NADK: variants seen among roughly 807,000 people sequenced by gnomAD.
NADK encodes the protein poly(P)/ATP NAD kinase.
NADK carries 22 observed loss-of-function variants against 49.8 expected under a neutral mutation model. The observed-to-expected ratio is 0.44, with a 90% CI of 0.32 to 0.63. The LOEUF (loss-of-function observed/expected upper bound fraction) is 0.63. Among genes scored for constraint, NADK ranks in the 30% least tolerant of loss-of-function variants. NADK has a pLI of 0.06. For missense variants in NADK, 438 were observed against 609.4 expected (o/e 0.72, Z 2.96); for synonymous variants, 268 against 253.7 (o/e 1.06, Z -0.54).
Position 1,755,454 on chromosome 1 carries a change from G to A in NADK, c.608C>T (p.Ala203Val). The A allele has an allele frequency of 1.2e-6, 2 of 1,613,930 alleles. No individual in the cohort carries two copies. Among genetic ancestry groups the A allele is most frequent in the Non-Finnish European group, 1.7e-6 (2 of 1,179,976 alleles). The part of the protein sequence containing the change: ...LFQGSVPPVM[A>V]FHLGSLGFLT... ...GAAGCCCAGGGAGCCCAGGTGGAAG[G>A]CCATGACCGGAGGGACGCTGCCCTG... The change falls in exon 7 of 12, where the codon GCC becomes GTC. Residue 203 changes from alanine to valine, a missense_variant. By Grantham distance (64) the Ala-to-Val change is moderately conservative (BLOSUM62 0). Transcript: ENST00000341426.
intron 1 of NADK, among the ~76,000 whole-genome samples, chr1:1,771,495 G>A (rs1303662548): frequency 1.3e-5 from 2 of 152,126 alleles, no homozygotes; most frequent in Non-Finnish European, 2.9e-5. Context: ...GAAAAACTAC[G>A]GGAACCAGAC....
chr1:1,759,044 A>G (rs1383898172), intron 3 of NADK: 1 of 1,454,560 alleles, frequency 6.9e-7, no homozygotes, highest in Admixed American at 2.6e-5. Context: ...TCAGCCAGCA[A>G]AGCCCCCGCC....
chr1:1,757,815 T>G (rs1014161955), intron 3 of NADK, among the ~76,000 whole-genome samples: 2 of 152,028 alleles, frequency 1.3e-5, no homozygotes, highest in African/African-American at 4.8e-5. Context: ...AAGGACCCGC[T>G]TCCCCCCCTG....
At chr1:1,764,365 G>T (rs189568920) in intron 2 of NADK, among the ~76,000 whole-genome samples, 4 of 152,194 alleles carry the variant, frequency 2.6e-5, no homozygotes, top group African/African-American at 4.8e-5. Context: ...TGCGGCCACC[G>T]TCATGCAAAG....
At chr1:1,760,873 C>T (rs1438013616) in intron 3 of NADK, among the ~76,000 whole-genome samples, 6 of 152,238 alleles carry the variant, frequency 3.9e-5, no homozygotes, top group Non-Finnish European at 7.3e-5. Context: ...CTCTGTCGCC[C>T]AGGCGGAATG....
intron 6 of NADK, chr1:1,755,881 AG>A: frequency 2.2e-6 from 1 of 444,672 alleles, no homozygotes; most frequent in Non-Finnish European, 4.1e-6. Context: ...GGGCAGAGCC[AG>A]GGTCCCCCAC....
chr1:1,760,009 G>A, intron 3 of NADK: 1 of 1,236,256 alleles, frequency 8.1e-7, no homozygotes, highest in Non-Finnish European at 1.1e-6. Context: ...GCCACGGCGG[G>A]GCCGGGAGGG....
At position 1,758,089 on chromosome 1, in the gene NADK, G is replaced by C. The variant is rs550280698; in HGVS notation, c.264-779C>G. ...GCCTGCTCCTGTTCCCAGAAGCCAA[G>C]GGAGGGCGCAGCGGGGCTGGCCACC... On this transcript the variant is annotated intron_variant, in intron 3 of 11. Transcript: ENST00000341426. Among the ~76,000 whole-genome samples, 3 of 152,342 alleles carry C rather than the reference G, an allele frequency of 2.0e-5. No individual in the cohort carries two copies. In the South Asian group the frequency reaches 6.2e-4, roughly 32 times the overall value.
At chr1:1,757,442 C>T in intron 3 of NADK, 132 bp from the exon 4 acceptor site, 1 of 773,646 alleles carries the variant, frequency 1.3e-6, no homozygotes, top group South Asian at 1.8e-5. Flanking sequence ...GCTCGGTGGC[C>T]ACGGGCTCAC....
chr1:1,759,320 A>C (rs1645639124), intron 3 of NADK: 4 of 1,447,418 alleles, frequency 2.8e-6, no homozygotes, highest in Admixed American at 4.7e-5. Context: ...GGTGGCGTGA[A>C]GCTTGCAGGC....
At chr1:1,759,315 C>T (rs1216918022) in intron 3 of NADK, 4 of 1,453,378 alleles carry the variant, frequency 2.8e-6, no homozygotes, top group African/African-American at 1.6e-5. Context: ...CAGGGGGTGG[C>T]GTGAAGCTTG....
rs1405513247 is a variant in NADK at position 1,778,007 on chromosome 1, G to T, written c.-41+282C>A. On this transcript the variant is annotated intron_variant, in intron 1 of 11. Coordinates refer to ENST00000341426, the MANE Select transcript of NADK (RefSeq NM_023018.5). The surrounding 1 kb of genome is among the most constrained non-coding windows in gnomAD (Gnocchi z 4.9). The stretch of plus-strand genomic sequence containing the variant: ...CCGCCCAAGCAGAGGCGACTGACAA[G>T]CGCGGTCCGGGCTGGACGGCCCCAC... Among the ~76,000 whole-genome samples, 2 of 152,188 alleles carry T rather than the reference G, an allele frequency of 1.3e-5. No individual in the cohort carries two copies. The highest frequency in any genetic ancestry group is 1.3e-4 in the Admixed American group (2 of 15,288).
At chr1:1,773,430 C>T (rs1480915534) in intron 1 of NADK, among the ~76,000 whole-genome samples, 1 of 150,694 alleles carries the variant, frequency 6.6e-6, no homozygotes, top group Non-Finnish European at 1.5e-5. Flanking sequence ...TGTGAGCCAC[C>T]GCACCCAGCC....
chr1:1,771,581 T>A (rs773649110), intron 1 of NADK, among the ~76,000 whole-genome samples: 4 of 152,096 alleles, frequency 2.6e-5, no homozygotes, highest in Non-Finnish European at 5.9e-5. Flanking sequence ...CCACAGACCC[T>A]CACACACATG....
chr1:1,755,495 G>A lies in NADK; in HGVS notation c.586-19C>T. The A allele has an allele frequency of 6.3e-7, 1 of 1,593,258 alleles. No homozygotes were observed. The highest frequency in any genetic ancestry group is 1.1e-5 in the South Asian group (1 of 90,676). The stretch of plus-strand genomic sequence containing the variant: ...CGCTGCCCTGTGAGCCGACGGAGAG[G>A]TCACTCAGTGCCCACGCCGTGCACC... On this transcript the variant is annotated intron_variant, in intron 6 of 11. Transcript: ENST00000341426.
At chr1:1,759,319 A>G in intron 3 of NADK, 1 of 1,446,126 alleles carries the variant, frequency 6.9e-7, no homozygotes, top group Non-Finnish European at 9.1e-7. Flanking sequence ...GGGTGGCGTG[A>G]AGCTTGCAGG....
At chr1:1,759,041 G>A in intron 3 of NADK, 2 of 1,453,312 alleles carry the variant, frequency 1.4e-6, no homozygotes, top group Non-Finnish European at 1.8e-6. Context: ...TGGTCAGCCA[G>A]CAAAGCCCCC....
Position 1,756,315 on chromosome 1 carries a change from GTCTA to G in NADK, c.524_527del (p.Ile175ThrfsTer37), listed in dbSNP as rs1306613258. 2 of 1,614,128 alleles carry G rather than the reference GTCTA, an allele frequency of 1.2e-6. No homozygotes were observed. Among genetic ancestry groups the G allele is most frequent in the East Asian group, 2.2e-5 (1 of 44,886 alleles). On this transcript the variant is annotated frameshift_variant, in exon 6 of 12. Transcript: ENST00000341426. LOFTEE classifies it high-confidence loss of function. The stretch of plus-strand genomic sequence containing the variant: ...CGTCTCCCCCCAGGCAGATGATGAA[GTCTA>G]TCTGATTGGAAATGTCATCATAATC...
At chr1:1,771,022 A>G (rs1037851652) in intron 1 of NADK, among the ~76,000 whole-genome samples, 2 of 136,440 alleles carry the variant, frequency 1.5e-5, no homozygotes, top group African/African-American at 2.6e-5. Flanking sequence ...CCTTGGTAAC[A>G]AGAGTGAGAT....
Sources: gnomAD v4.1 joint callset for allele counts (sites outside exome capture counted in the v4.1 genomes callset) on GRCh38, gnomAD v4.1.1 for gene constraint, Gnocchi (gnomAD v3.1) non-coding constraint, MANE v1.5 for transcripts, NCBI Gene and HGNC (gene_info 2026-07-23, HGNC 2026-07-21) for gene names.